The following GBX2 variants were observed in gnomAD, a reference collection of about 807,000 sequenced individuals.
GBX2 encodes the protein gastrulation brain homeobox 2, also known as homeobox protein GBX-2.
Under a neutral mutation model 22.4 loss-of-function variants are expected in GBX2, and 5 were observed. That is an observed-to-expected ratio of 0.22 (90% CI 0.12 to 0.47). The LOEUF (loss-of-function observed/expected upper bound fraction) is 0.47. Among genes scored for constraint, GBX2 ranks in the 20% least tolerant of loss-of-function variants. The probability of loss-of-function intolerance (pLI) is 0.99; values close to 1 mark genes in which losing one functional copy is unlikely to be tolerated. For synonymous variants in GBX2, 220 were observed against 230.5 expected, an observed-to-expected ratio of 0.95 and a Z score of 0.41; for missense variants, 470 against 495.4, an observed-to-expected ratio of 0.95 and a Z score of 0.49.
chr2:236,162,393 C>T (rs544783057), downstream of GBX2, among the ~76,000 whole-genome samples: 6 of 152,352 alleles, frequency 3.9e-5, no homozygotes, highest in South Asian at 2.1e-4. Context: ...AAAATTCCAG[C>T]GCAGGTTGGG....
At chr2:236,164,964 T>C (rs1180559888), downstream of GBX2, among the ~76,000 whole-genome samples, 1 of 152,214 alleles carries the variant, frequency 6.6e-6, no homozygotes, top group Non-Finnish European at 1.5e-5. Flanking sequence ...TGGCCGAAGT[T>C]TGCCGGCCTA....
chr2:236,168,381 A>T lies in GBX2; in HGVS notation c.-410T>A, dbSNP rs964994939. On this transcript the variant is annotated 5_prime_UTR_variant, in exon 1 of 2. Transcript: ENST00000306318. ...CTTATCTCCGGCGGGCGCAGCCAGCACCTTTAAATCGCGCTCCTCTTTCTC... is the reference window on the plus strand; with the variant it reads ...CTTATCTCCGGCGGGCGCAGCCAGCTCCTTTAAATCGCGCTCCTCTTTCTC... The T allele has an allele frequency of 6.4e-6, 1 of 155,902 alleles. No homozygotes were observed. The highest frequency in any genetic ancestry group is 6.5e-5 in the Admixed American group (1 of 15,372). 9.7% of individuals were successfully genotyped at this position (155,902 alleles called of 1,614,324 possible).
Position 236,165,287 on chromosome 2 carries a change from G to A in GBX2, c.*627C>T, listed in dbSNP as rs2060232051. On this transcript the variant is annotated 3_prime_UTR_variant, in exon 2 of 2. Transcript: ENST00000306318. Reference sequence around the variant, plus strand: ...TTTTATTATTCACAAGACTGAAATTGTTTAAATGTCATAACTTATAAGAAA... The same window carrying A: ...TTTTATTATTCACAAGACTGAAATTATTTAAATGTCATAACTTATAAGAAA... The A allele has an allele frequency of 6.6e-6, 1 of 152,218 alleles. No homozygotes were observed. The highest frequency in any genetic ancestry group is 2.1e-4 in the South Asian group (1 of 4,830). The allele number at this position is 152,218 out of a possible 1,614,324, so 9.4% of individuals were successfully genotyped here. A position where few individuals can be genotyped will look rare whatever the true frequency, so the allele number is the denominator to read the frequency against.
At chr2:236,162,427 T>C (rs2060217197), downstream of GBX2, among the ~76,000 whole-genome samples, 1 of 152,168 alleles carries the variant, frequency 6.6e-6, no homozygotes, top group South Asian at 2.1e-4. Flanking sequence ...CCAGTGCAGG[T>C]GGGTCCCGGC....
chr2:236,163,432 G>T (rs2060221907), downstream of GBX2, among the ~76,000 whole-genome samples: 1 of 152,246 alleles, frequency 6.6e-6, no homozygotes, highest in Non-Finnish European at 1.5e-5. Context: ...GGCGGCCTCC[G>T]GTTCCTAGTG....
intron 1 of GBX2, 173 bp downstream of exon 1, chr2:236,167,276 C>G (rs1427535188): frequency 7.1e-7 from 1 of 1,411,288 alleles, no homozygotes; most frequent in South Asian, 1.2e-5. Context: ...TTGGGTGGCT[C>G]TGAATGTCCC....
intron 1 of GBX2, 152 bp downstream of exon 1, chr2:236,167,297 A>G: frequency 7.2e-7 from 1 of 1,387,548 alleles, no homozygotes; most frequent in Non-Finnish European, 9.8e-7. Flanking sequence ...CCGGAGGCCC[A>G]GCGGCACAGC....
At chr2:236,167,126 GCT>G in intron 1 of GBX2, 1 of 1,535,342 alleles carries the variant, frequency 6.5e-7, no homozygotes. Flanking sequence ...TCCCCTAGAG[GCT>G]GCAACCTACC....
In GBX2 at chr2:236,168,059, C is replaced by T. The variant is rs1276465281; in HGVS notation, c.-88G>A. 7 of 1,309,268 alleles carry T rather than the reference C, an allele frequency of 5.3e-6. No individual in the cohort carries two copies. Among genetic ancestry groups the T allele is most frequent in the Non-Finnish European group, 6.8e-6 (7 of 1,027,370 alleles). The allele number at this position is 1,309,268 out of a possible 1,614,324, so 81.1% of individuals were successfully genotyped here. The stretch of plus-strand genomic sequence containing the variant: ...GCCCGCCGGACGCCGGGAGCACCGC[C>T]GGGAGCGCCGGGCAGGGGCCGAGCG... On this transcript the variant is annotated 5_prime_UTR_variant, in exon 1 of 2. Coordinates refer to ENST00000306318, the MANE Select transcript of GBX2 (RefSeq NM_001485.4).
rs981376524 is a variant in GBX2 at position 236,167,430 on chromosome 2, G to A, written c.523+19C>T. 1 of 1,490,692 alleles carries A rather than the reference G, an allele frequency of 6.7e-7. No homozygotes were observed. Among genetic ancestry groups the A allele is most frequent in the South Asian group, 1.3e-5 (1 of 76,572 alleles). 92.3% of individuals were successfully genotyped at this position (1,490,692 alleles called of 1,614,324 possible). On this transcript the variant is annotated intron_variant, in intron 1 of 1. Transcript: ENST00000306318. ...CTCCTCCCGCCCCCTCGTCCCGGCTGCGCGCGCCGCCGACTCACCGAGCGA... is the reference window on the plus strand; with the variant it reads ...CTCCTCCCGCCCCCTCGTCCCGGCTACGCGCGCCGCCGACTCACCGAGCGA...
chr2:236,164,991 C>A (rs1232371996), downstream of GBX2, among the ~76,000 whole-genome samples: 2 of 152,226 alleles, frequency 1.3e-5, no homozygotes, highest in Non-Finnish European at 2.9e-5. Flanking sequence ...ATCGATTAGG[C>A]TGTGCAAAAG....
At position 236,167,157 on chromosome 2, in the gene GBX2, C is replaced by T. The variant is rs750768312; in HGVS notation, c.523+292G>A. The stretch of plus-strand genomic sequence containing the variant: ...ACCTACCCGGAACCCCAGGTCACCG[C>T]GGAGCGGCAGAGGCGGCCTCGGCCA... On this transcript the variant is annotated intron_variant, in intron 1 of 1. Coordinates refer to ENST00000306318, the MANE Select transcript of GBX2 (RefSeq NM_001485.4). 2.6e-6 allele frequency: 4 copies of T among 1,535,622 alleles called. No individual in the cohort carries two copies. The South Asian group carries it at 4.8e-5, about 18-fold the overall frequency.
In GBX2 at chr2:236,167,557, C is replaced by A. The variant is rs532488227; in HGVS notation, c.415G>T (p.Asp139Tyr). ...TCAGCCTGCAGCGCCTCCGCCTTGT[C>A]GAAGTTACCGCCGCCGGGCAGCGGC... ...PQPLPGGGNF[D>Y]KAEALQADAE... The change falls in exon 1 of 2, where the codon GAC becomes TAC. Residue 139 changes from aspartate (D) to tyrosine (Y), a missense_variant. Coordinates refer to ENST00000306318, the MANE Select transcript of GBX2 (RefSeq NM_001485.4). The A allele has an allele frequency of 1.9e-6, 3 of 1,598,712 alleles. No individual in the cohort carries two copies. Among genetic ancestry groups the A allele is most frequent in the Non-Finnish European group, 8.5e-7 (1 of 1,175,152 alleles).
chr2:236,167,422 T>A, intron 1 of GBX2, 27 bp downstream of exon 1: 2 of 1,460,828 alleles, frequency 1.4e-6, no homozygotes, highest in Non-Finnish European at 1.8e-6. Context: ...CGCCCCCTCG[T>A]CCCGGCTGCG....
intron 1 of GBX2, 43 bp downstream of exon 1, chr2:236,167,406 T>G: frequency 2.2e-6 from 3 of 1,338,094 alleles, no homozygotes; most frequent in Non-Finnish European, 2.9e-6. Flanking sequence ...CGCCCCCGCC[T>G]CCTCCCGCCC....
Position 236,166,649 on chromosome 2 carries a change from C to A in GBX2, c.524-212G>T, listed in dbSNP as rs2060240900. ...AAAGCTCAAAGGAGAGGAGGCAGTA[C>A]AGGCGACGGCCCTTTGCCCAGAACC... On this transcript the variant is annotated intron_variant, in intron 1 of 1. Coordinates refer to ENST00000306318, the MANE Select transcript of GBX2 (RefSeq NM_001485.4). The surrounding 1 kb of genome is among the most constrained non-coding windows in gnomAD (Gnocchi z 6.6). 6.6e-6 allele frequency among the ~76,000 whole-genome samples: 1 copy of A among 152,012 alleles called. No homozygotes were observed. Among genetic ancestry groups the A allele is most frequent in the Non-Finnish European group, 1.5e-5 (1 of 68,010 alleles).
At chr2:236,161,649 G>A (rs1355945999), downstream of GBX2, among the ~76,000 whole-genome samples, 2 of 152,352 alleles carry the variant, frequency 1.3e-5, no homozygotes, top group Admixed American at 6.5e-5. Context: ...CGGCCAGAAG[G>A]TCGGAGCAGG....
At position 236,167,935 on chromosome 2, in the gene GBX2, G is replaced by A; in HGVS notation, c.37C>T (p.Gln13Ter). ...GCGGTGCTACTCCCCAGCGGGCGCT[G>A]CATCATCATCAGCGACGGCGGGAAC... ...AAFPPSLMMM[Q>*]RPLGSSTAFS... The change falls in exon 1 of 2, where the codon CAG becomes TAG. Residue 13 changes from glutamine (Q) to a stop codon, truncating the protein, a stop_gained. Transcript: ENST00000306318. LOFTEE classifies it high-confidence loss of function. 6.4e-7 allele frequency: 1 copy of A among 1,562,656 alleles called. No homozygotes were observed. The highest frequency in any genetic ancestry group is 1.2e-5 in the South Asian group (1 of 86,588).
chr2:236,163,798 C>T (rs1252263602), downstream of GBX2, among the ~76,000 whole-genome samples: 2 of 152,130 alleles, frequency 1.3e-5, no homozygotes, highest in African/African-American at 2.4e-5. Context: ...TCACCGGCAA[C>T]CTGCACTCAG....
Sources: gnomAD v4.1 joint callset for allele counts (sites outside exome capture counted in the v4.1 genomes callset) on GRCh38, gnomAD v4.1.1 for gene constraint, Gnocchi (gnomAD v3.1) non-coding constraint, MANE v1.5 for transcripts, NCBI Gene and HGNC (gene_info 2026-07-23, HGNC 2026-07-21) for gene names.